Variants in BLTP3A observed in about 807,000 individuals in gnomAD.
The protein encoded by BLTP3A is ICBP90 binding protein 1.
the BLTP3A span, chr6:34,864,237 A>G: frequency 6.3e-7 from 1 of 1,590,108 alleles, no homozygotes; most frequent in African/African-American, 1.3e-5. Context: ...GCAGAAGTCC[A>G]GAAAGGGTTC....
the BLTP3A span, among the ~76,000 whole-genome samples, chr6:34,808,855 G>C: frequency 6.6e-6 from 1 of 152,142 alleles, no homozygotes; most frequent in Non-Finnish European, 1.5e-5. Flanking sequence ...AGGATTACAG[G>C]TGTAAGCCAC....
the BLTP3A span, among the ~76,000 whole-genome samples, chr6:34,855,065 T>C: frequency 6.6e-6 from 1 of 152,236 alleles, no homozygotes; most frequent in African/African-American, 2.4e-5. Flanking sequence ...TTACCTATAA[T>C]ATTCTATGTG....
At chr6:34,836,850 C>G in the BLTP3A span, among the ~76,000 whole-genome samples, 1 of 152,194 alleles carries the variant, frequency 6.6e-6, no homozygotes, top group African/African-American at 2.4e-5. Flanking sequence ...ATACTTAGAA[C>G]AACTGCCATT....
At chr6:34,867,392 A>G in the BLTP3A span, 5 of 1,613,724 alleles carry the variant, frequency 3.1e-6, no homozygotes, top group African/African-American at 4.0e-5. Flanking sequence ...CAGCAGCTCT[A>G]CTTTCTTCTC....
chr6:34,858,407 C>G, the BLTP3A span: 3 of 1,614,194 alleles, frequency 1.9e-6, no homozygotes, highest in South Asian at 3.3e-5. Flanking sequence ...ACCCTCCCTC[C>G]CCAGAGACCT....
chr6:34,796,624 A>G, the BLTP3A span, among the ~76,000 whole-genome samples: 24 of 152,250 alleles, frequency 1.6e-4, no homozygotes, highest in African/African-American at 4.8e-4. Context: ...CTTTCGTTAT[A>G]CAAATAAGAA....
the BLTP3A span, among the ~76,000 whole-genome samples, chr6:34,861,816 C>T: frequency 2.6e-5 from 4 of 152,120 alleles, no homozygotes; most frequent in Admixed American, 6.6e-5. Flanking sequence ...AACTCTTGGG[C>T]GCAAGTGACT....
chr6:34,841,348 C>T, the BLTP3A span, among the ~76,000 whole-genome samples: 12 of 152,226 alleles, frequency 7.9e-5, no homozygotes, highest in African/African-American at 2.2e-4. Flanking sequence ...GGATTACAGG[C>T]GTGAGCCACT....
the BLTP3A span, chr6:34,822,097 G>A: frequency 2.0e-6 from 2 of 1,016,196 alleles, no homozygotes; most frequent in Non-Finnish European, 2.9e-6. Context: ...CTCTGAGACA[G>A]TGTGACTGTT....
chr6:34,853,761 A>C, the BLTP3A span, among the ~76,000 whole-genome samples: 1 of 151,810 alleles, frequency 6.6e-6, no homozygotes, highest in Non-Finnish European at 1.5e-5. Context: ...AAGTTTCATC[A>C]TGCTGGCCAG....
the BLTP3A span, chr6:34,859,259 G>A: frequency 8.9e-5 from 144 of 1,614,046 alleles, no homozygotes; most frequent in African/African-American, 1.6e-3. Context: ...GCAGGGAAGG[G>A]CCATGAGGCA....
the BLTP3A span, among the ~76,000 whole-genome samples, chr6:34,804,379 A>G: frequency 6.6e-6 from 1 of 152,166 alleles, no homozygotes; most frequent in Non-Finnish European, 1.5e-5. Context: ...AGGAACTCAA[A>G]GACAAATGAG....
chr6:34,813,148 C>A, the BLTP3A span, among the ~76,000 whole-genome samples: 1 of 152,066 alleles, frequency 6.6e-6, no homozygotes, highest in Non-Finnish European at 1.5e-5. Flanking sequence ...ACTTATTGAC[C>A]CTATTATTCC....
chr6:34,858,372 G>A, the BLTP3A span: 1 of 1,613,988 alleles, frequency 6.2e-7, no homozygotes, highest in Non-Finnish European at 8.5e-7. Flanking sequence ...CCTTTCAGAT[G>A]GATTCCTGCC....
the BLTP3A span, chr6:34,877,341 C>T: frequency 7.9e-4 from 121 of 152,674 alleles, no homozygotes; most frequent in African/African-American, 2.6e-3. Flanking sequence ...TAATCACTGT[C>T]AATAAAAGGT....
the BLTP3A span, among the ~76,000 whole-genome samples, chr6:34,869,504 G>A: frequency 6.6e-6 from 1 of 151,804 alleles, no homozygotes; most frequent in Non-Finnish European, 1.5e-5. Flanking sequence ...TTTCTAAATG[G>A]AATAATAGAT....
At chr6:34,853,199 C>G in the BLTP3A span, among the ~76,000 whole-genome samples, 1 of 152,086 alleles carries the variant, frequency 6.6e-6, no homozygotes. Context: ...TGTTTTGCAA[C>G]AGGGTCTTGC....
the BLTP3A span, among the ~76,000 whole-genome samples, chr6:34,842,209 A>T: frequency 6.6e-6 from 1 of 152,188 alleles, no homozygotes; most frequent in Non-Finnish European, 1.5e-5. Context: ...TAGGTCATGC[A>T]TTCTCAGCTG....
At chr6:34,824,640 T>A in the BLTP3A span, among the ~76,000 whole-genome samples, 1 of 151,626 alleles carries the variant, frequency 6.6e-6, no homozygotes, top group Non-Finnish European at 1.5e-5. Context: ...ATCTCTAAAA[T>A]ATATATATGT....
Sources: allele counts gnomAD v4.1 joint callset (sites outside exome capture counted in the v4.1 genomes callset), GRCh38; gene constraint gnomAD v4.1.1; transcripts MANE v1.5; gene names NCBI Gene and HGNC (gene_info 2026-07-23, HGNC 2026-07-21).